Variants in ADCY1 observed in about 807,000 individuals in gnomAD.
The protein encoded by ADCY1 is adenylate cyclase 1.
In ADCY1, 28 loss-of-function variants were observed where a neutral mutation model predicts 105.4. The ratio of observed to expected loss-of-function variants is 0.27; its 90% confidence interval spans 0.20 to 0.36. ADCY1 has a LOEUF of 0.36. Among genes scored for constraint, ADCY1 ranks in the 10% least tolerant of loss-of-function variants. The probability of loss-of-function intolerance (pLI) is 1.00; values close to 1 mark genes in which losing one functional copy is unlikely to be tolerated. For missense variants in ADCY1, 977 were observed against 1,434.2 expected (o/e 0.68, Z 5.15); for synonymous variants, 655 against 623.8 (o/e 1.05, Z -0.75).
Position 45,673,751 on chromosome 7 carries a change from T to G in ADCY1, c.1606-4118T>G, listed in dbSNP as rs192460197. 2.8e-3 allele frequency among the ~76,000 whole-genome samples: 426 copies of G among 152,054 alleles called. 2 individuals are homozygous for G. Among genetic ancestry groups the G allele is most frequent in the African/African-American group, 9.5e-3 (395 of 41,556 alleles). ...TTGATTTTCTCTATTTTTTTTGTTTTCTTTTTATTGAATTCTTCTCTTTAT... is the reference window on the plus strand; with the variant it reads ...TTGATTTTCTCTATTTTTTTTGTTTGCTTTTTATTGAATTCTTCTCTTTAT... On this transcript the variant is annotated intron_variant, in intron 8 of 19. Transcript: ENST00000297323.
Position 45,610,419 on chromosome 7 carries a change from T to A in ADCY1, c.830T>A (p.Met277Lys). ...AGCCTCCTGCCCCGGAACGTTGCCATGGAGATGAAGGAGGACTTCCTGAAG... is the reference window on the plus strand; with the variant it reads ...AGCCTCCTGCCCCGGAACGTTGCCAAGGAGATGAAGGAGGACTTCCTGAAG... ...LMSLLPRNVA[M>K]EMKEDFLKPP... The change falls in exon 3 of 20, where the codon ATG becomes AAG. Residue 277 changes from methionine to lysine, a missense_variant. Met to Lys is a moderately conservative substitution (Grantham distance 95). Around this residue, in one of 7 missense-constraint regions of ADCY1, gnomAD observed 196 missense variants for 347.8 expected, o/e 0.56. Transcript: ENST00000297323. 1 of 1,613,738 alleles carries A rather than the reference T, an allele frequency of 6.2e-7. No homozygotes were observed. Among genetic ancestry groups the A allele is most frequent in the Non-Finnish European group, 8.5e-7 (1 of 1,179,892 alleles).
intron 6 of ADCY1, among the ~76,000 whole-genome samples, chr7:45,658,840 G>A (rs944333643): frequency 6.6e-6 from 1 of 152,082 alleles, no homozygotes; most frequent in African/African-American, 2.4e-5. Context: ...GGGCCCCTCC[G>A]GGGGGGCAGG....
intron 6 of ADCY1, 141 bp downstream of exon 6, chr7:45,658,026 C>T (rs1022977057): frequency 4.7e-5 from 47 of 996,828 alleles, no homozygotes; most frequent in African/African-American, 9.6e-5. Flanking sequence ...CTGTCCCAGC[C>T]GCACCTGCCA....
chr7:45,713,598 G>A (rs947921910), intron 19 of ADCY1, 95 bp from the exon 20 acceptor site: 9 of 690,484 alleles, frequency 1.3e-5, no homozygotes, highest in East Asian at 2.5e-5. Flanking sequence ...CAGTCAGGGT[G>A]GACAGCAACA....
rs969501243 is a variant in ADCY1, at chr7:45,686,271, G to A, written c.2327+56G>A. ...TAAGCAGCGGTGCTACTGAATCTGT[G>A]TATACAGATATGCACTACAGGCTTC... On this transcript the variant is annotated intron_variant, in intron 13 of 19. Coordinates refer to ENST00000297323, the MANE Select transcript of ADCY1 (RefSeq NM_021116.4). This position sits in a 1 kb window ranked among gnomAD's most constrained non-coding sequence, Gnocchi z 4.3. The A allele has an allele frequency of 2.5e-6, 4 of 1,575,226 alleles. No homozygotes were observed. Among genetic ancestry groups the A allele is most frequent in the African/African-American group, 1.3e-5 (1 of 74,290 alleles).
rs1428622798 is a variant in ADCY1 at position 45,710,753 on chromosome 7, A to G, written c.3057+101A>G. On this transcript the variant is annotated intron_variant, in intron 19 of 19. Coordinates refer to ENST00000297323, the MANE Select transcript of ADCY1 (RefSeq NM_021116.4). The surrounding 1 kb of genome is among the most constrained non-coding windows in gnomAD (Gnocchi z 4.7). The stretch of plus-strand genomic sequence containing the variant: ...ATTGAATCCCCAGTCTACAGCCCGT[A>G]AGTGGCAGGGCAGAAAGAGCTGCAT... 4 of 1,435,240 alleles carry G rather than the reference A, an allele frequency of 2.8e-6. No homozygotes were observed. In the Admixed American group the frequency reaches 1.0e-4, roughly 37 times the overall value. The allele number at this position is 1,435,240 out of a possible 1,614,324, so 88.9% of individuals were successfully genotyped here.
chr7:45,577,063 G>T (rs1046607232), intron 1 of ADCY1, among the ~76,000 whole-genome samples: 1 of 152,146 alleles, frequency 6.6e-6, no homozygotes, highest in African/African-American at 2.4e-5. Flanking sequence ...GATAAGATGA[G>T]CCCCTGTGAC....
chr7:45,657,617 G>T, intron 5 of ADCY1, 110 bp from the exon 6 acceptor site: 1 of 1,202,646 alleles, frequency 8.3e-7, no homozygotes, highest in Non-Finnish European at 1.2e-6. Flanking sequence ...CATGCAGCAA[G>T]GACAAGACCC....
At chr7:45,704,697 C>T in intron 17 of ADCY1, 81 bp downstream of exon 17, 1 of 1,130,008 alleles carries the variant, frequency 8.8e-7, no homozygotes, top group Non-Finnish European at 1.3e-6. Context: ...GGGTAGCTTC[C>T]ACACTGGGGT....
rs1416811283 is a variant in ADCY1 at position 45,677,967 on chromosome 7, C to T, written c.1704C>T (p.Tyr568=). Residue 568 remains tyrosine, a synonymous_variant, in exon 9 of 20, where the codon TAC becomes TAT. Coordinates refer to ENST00000297323, the MANE Select transcript of ADCY1 (RefSeq NM_021116.4). ...YTTPGTRVNR[Y]ISRLLEARQT... ...CCCCGGGCACTCGCGTCAACAGGTA[C>T]ATCAGCCGCCTCTTAGAAGCCCGCC... 2 of 1,614,234 alleles carry T rather than the reference C, an allele frequency of 1.2e-6. No individual in the cohort carries two copies. Among genetic ancestry groups the T allele is most frequent in the South Asian group, 1.1e-5 (1 of 91,082 alleles).
chr7:45,700,274 C>T (rs183565682), intron 14 of ADCY1, among the ~76,000 whole-genome samples: 258 of 152,324 alleles, frequency 1.7e-3, no homozygotes, highest in Non-Finnish European at 2.9e-3. Flanking sequence ...CATGCAGAGA[C>T]GTGCATCACT....
chr7:45,602,252 T>C (rs1239092818), intron 2 of ADCY1, among the ~76,000 whole-genome samples: 1 of 151,846 alleles, frequency 6.6e-6, no homozygotes, highest in Non-Finnish European at 1.5e-5. Flanking sequence ...ACTTGGGGGC[T>C]TCAGGGTGTT....
chr7:45,655,556 T>C (rs78832931), intron 5 of ADCY1, among the ~76,000 whole-genome samples: 2,520 of 152,370 alleles, frequency 0.017, 94 homozygotes, highest in East Asian at 0.16. Context: ...AGAACAGTTC[T>C]GGGTGCATCA....
rs771845036 is a variant in ADCY1, at chr7:45,686,163, C to T, written c.2275C>T (p.Leu759Phe). Residue 759 changes from leucine to phenylalanine, a missense_variant, in exon 13 of 20, where the codon CTC becomes TTC. Around this residue, in one of 7 missense-constraint regions of ADCY1, gnomAD observed 275 missense variants for 362.1 expected, o/e 0.76. Transcript: ENST00000297323. This position sits in a 1 kb window ranked among gnomAD's most constrained non-coding sequence, Gnocchi z 4.3. ...SLPKMILLSG[L>F]TTSYILVLEL... ...GCCAAAAATGATCCTGCTCTCCGGG[C>T]TCACCACGTCCTACATCCTCGTTCT... 3 of 1,614,194 alleles carry T rather than the reference C, an allele frequency of 1.9e-6. No homozygotes were observed. The highest frequency in any genetic ancestry group is 1.1e-5 in the South Asian group (1 of 91,078).
intron 8 of ADCY1, among the ~76,000 whole-genome samples, chr7:45,669,080 A>G (rs1040780495): frequency 1.3e-5 from 2 of 152,180 alleles, no homozygotes; most frequent in Non-Finnish European, 2.9e-5. Flanking sequence ...TCAAAAAAAC[A>G]GCTCCTGGAT....
At chr7:45,691,653 A>G (rs1784788744) in intron 14 of ADCY1, among the ~76,000 whole-genome samples, 1 of 152,250 alleles carries the variant, frequency 6.6e-6, no homozygotes. Context: ...CATGGCAATT[A>G]TAATTTCAAT....
chr7:45,691,098 G>A (rs1784779031), intron 14 of ADCY1, among the ~76,000 whole-genome samples: 1 of 152,202 alleles, frequency 6.6e-6, no homozygotes, highest in Non-Finnish European at 1.5e-5. Context: ...GGTTGACATG[G>A]CTTTTTCTTG....
chr7:45,681,845 C>T (rs958023141), intron 11 of ADCY1, among the ~76,000 whole-genome samples: 1 of 152,056 alleles, frequency 6.6e-6, no homozygotes, highest in Non-Finnish European at 1.5e-5. Context: ...GTCATGCAGA[C>T]GGAGTTAGTT....
intron 11 of ADCY1, among the ~76,000 whole-genome samples, chr7:45,681,129 C>A (rs1002491093): frequency 6.6e-6 from 1 of 152,158 alleles, no homozygotes; most frequent in African/African-American, 2.4e-5. Context: ...CCCAATCTGT[C>A]CATAAAAATA....
Sources: gnomAD v4.1 joint callset for allele counts (sites outside exome capture counted in the v4.1 genomes callset) on GRCh38, gnomAD v4.1.1 for gene constraint, gnomAD v4.1.1 regional missense constraint, Gnocchi (gnomAD v3.1) non-coding constraint, MANE v1.5 for transcripts, NCBI Gene and HGNC (gene_info 2026-07-23, HGNC 2026-07-21) for gene names.